TTC19: variants seen among roughly 807,000 people sequenced by gnomAD.
The protein encoded by TTC19 is tetratricopeptide repeat protein 19, mitochondrial.
In TTC19, 38 loss-of-function variants were observed where a neutral mutation model predicts 49.5. The observed-to-expected ratio is 0.77, with a 90% CI of 0.59 to 1.01. The LOEUF (loss-of-function observed/expected upper bound fraction) is 1.01. TTC19 is among the 50% of genes least tolerant of loss of function. The pLI is 0.00. For synonymous variants in TTC19, 204 were observed against 185.2 expected, an observed-to-expected ratio of 1.10 and a Z score of -0.83; for missense variants, 475 against 477.7, an observed-to-expected ratio of 0.99 and a Z score of 0.05.
rs144830749 is a variant in TTC19, at chr17:16,026,944, C to G, written c.994+242C>G. ...CCCCATCAAGCTGGAGAAAACCTTG[C>G]AATGATAGTACCTTACGTCAGTAGT... On this transcript the variant is annotated intron_variant, in intron 9 of 9. Transcript: ENST00000261647. The G allele has an allele frequency of 2.0e-4, 119 of 589,450 alleles. No individual in the cohort carries two copies. In the East Asian group the frequency reaches 3.5e-3, roughly 17 times the overall value. 36.5% of individuals were successfully genotyped at this position (589,450 alleles called of 1,614,324 possible).
intron 6 of TTC19, 34 bp from the exon 7 acceptor site, chr17:16,006,440 A>T: frequency 7.0e-7 from 1 of 1,437,010 alleles, no homozygotes; most frequent in Non-Finnish European, 9.8e-7. Flanking sequence ...AAAGAAGAAA[A>T]GGTAAATGGC....
At position 16,004,400 on chromosome 17, in the gene TTC19, T is replaced by C; in HGVS notation, c.581+138T>C. On this transcript the variant is annotated intron_variant, in intron 6 of 9. Coordinates refer to ENST00000261647, the MANE Select transcript of TTC19 (RefSeq NM_017775.4). Reference sequence around the variant, plus strand: ...ACTCAAAGTGTTCCATCCCTCATCTTTGAAATTGTCAGTCTTTTTCCAGTT... The same window carrying C: ...ACTCAAAGTGTTCCATCCCTCATCTCTGAAATTGTCAGTCTTTTTCCAGTT... The C allele has an allele frequency of 1.3e-5, 11 of 849,416 alleles. No homozygotes were observed. The South Asian group carries it at 1.5e-4, about 12-fold the overall frequency. The allele number at this position is 849,416 out of a possible 1,614,324, so 52.6% of individuals were successfully genotyped here. A position where few individuals can be genotyped will look rare whatever the true frequency, so the allele number is the denominator to read the frequency against.
chr17:16,021,229 T>A (rs1971373025), intron 7 of TTC19, among the ~76,000 whole-genome samples: 1 of 151,716 alleles, frequency 6.6e-6, no homozygotes, highest in Non-Finnish European at 1.5e-5. Context: ...CTAATAAAAA[T>A]ACAAAAAAAA....
chr17:16,026,235 A>G (rs1971553728), intron 8 of TTC19, among the ~76,000 whole-genome samples: 1 of 152,190 alleles, frequency 6.6e-6, no homozygotes, highest in Non-Finnish European at 1.5e-5. Context: ...TAATATGTGT[A>G]GCTTCTTGCT....
chr17:16,040,734 AAAG>A (rs2057407254), intron 2 of TTC19: 2 of 535,202 alleles, frequency 3.7e-6, no homozygotes, highest in Non-Finnish European at 6.9e-6. Flanking sequence ...AGGAACATCA[AAAG>A]AAGAGCAATA....
intron 7 of TTC19, among the ~76,000 whole-genome samples, chr17:16,019,027 T>G (rs547190675): frequency 1.6e-4 from 24 of 152,302 alleles, no homozygotes; most frequent in African/African-American, 5.8e-4. Context: ...TTATTGCACT[T>G]GTATATATCA....
intron 6 of TTC19, among the ~76,000 whole-genome samples, chr17:16,006,136 G>A (rs750262479): frequency 4.1e-4 from 62 of 152,204 alleles, no homozygotes; most frequent in African/African-American, 5.3e-4. Flanking sequence ...TGGGCCGGGC[G>A]CAGTGGCTCA....
At chr17:16,039,527 G>C in intron 2 of TTC19, 1 of 1,614,022 alleles carries the variant, frequency 6.2e-7, no homozygotes, top group Non-Finnish European at 8.5e-7. Flanking sequence ...CCATAGGCTG[G>C]GACATGACAA....
intron 2 of TTC19, 85 bp from the exon 3 acceptor site, chr17:16,001,830 G>A (rs1382998178): frequency 1.2e-6 from 1 of 864,354 alleles, no homozygotes; most frequent in Non-Finnish European, 1.9e-6. Context: ...TATCAGTTGG[G>A]ATGTACAGTT....
intron 7 of TTC19, among the ~76,000 whole-genome samples, chr17:16,019,257 T>C (rs1049464476): frequency 7.9e-5 from 12 of 152,058 alleles, no homozygotes; most frequent in African/African-American, 2.9e-4. Context: ...CGCTTCAACC[T>C]GAGAGGCAGA....
At chr17:16,038,012 C>G (rs1487664475) in intron 2 of TTC19, among the ~76,000 whole-genome samples, 1 of 151,878 alleles carries the variant, frequency 6.6e-6, no homozygotes, top group Non-Finnish European at 1.5e-5. Flanking sequence ...ACACTTAAAG[C>G]CAATAAAAAT....
chr17:16,029,301 A>C lies in TTC19; in HGVS notation c.*1779A>C, dbSNP rs1170787505. 2.2e-6 allele frequency: 1 copy of C among 449,770 alleles called. No homozygotes were observed. The highest frequency in any genetic ancestry group is 1.6e-5 in the South Asian group (1 of 62,656). The allele number at this position is 449,770 out of a possible 1,614,324, so 27.9% of individuals were successfully genotyped here. ...CATTACAGTTCATTTACACTGTTGT[A>C]AAATAAGGTACTGAAGCAAAAGGAG... On this transcript the variant is annotated 3_prime_UTR_variant, in exon 10 of 10. Transcript: ENST00000261647.
chr17:16,026,630 C>G lies in TTC19; in HGVS notation c.922C>G (p.Leu308Val). The G allele has an allele frequency of 6.2e-7, 1 of 1,614,122 alleles. No individual in the cohort carries two copies. The highest frequency in any genetic ancestry group is 8.5e-7 in the Non-Finnish European group (1 of 1,179,980). ...AYIYMQRASD[L>V]ARQINHPELH... ...TATTTATATGCAAAGGGCATCAGAT[C>G]TGGCAAGACAGATAAATCATCCTGA... The change falls in exon 9 of 10, where the codon CTG becomes GTG. Residue 308 changes from leucine (L) to valine (V), a missense_variant. By Grantham distance (32) the Leu-to-Val change is conservative (BLOSUM62 1). Transcript: ENST00000261647.
intron 7 of TTC19, among the ~76,000 whole-genome samples, chr17:16,009,270 A>AGT (rs139670563): frequency 0.014 from 2,091 of 152,336 alleles, 42 homozygotes; most frequent in African/African-American, 0.048. Flanking sequence ...GTTTCTTAGG[A>AGT]GTGTAAAGCT....
intron 6 of TTC19, among the ~76,000 whole-genome samples, chr17:16,005,645 G>T (rs1382134561): frequency 2.0e-5 from 3 of 152,222 alleles, no homozygotes; most frequent in Non-Finnish European, 2.9e-5. Context: ...CAGGGCTACA[G>T]AGTTGGGTTA....
intron 7 of TTC19, among the ~76,000 whole-genome samples, chr17:16,019,974 A>C (rs2151671724): frequency 6.6e-6 from 1 of 151,840 alleles, no homozygotes; most frequent in Non-Finnish European, 1.5e-5. Context: ...TTAAAAAAAA[A>C]AAAAAAAAAG....
chr17:16,024,987 T>C, intron 7 of TTC19, 30 bp from the exon 8 acceptor site: 2 of 1,612,442 alleles, frequency 1.2e-6, no homozygotes, highest in Non-Finnish European at 1.7e-6. Flanking sequence ...ACCATTTGGG[T>C]AGATTTGCTG....
chr17:16,037,590 C>T (rs1455700941), intron 2 of TTC19, among the ~76,000 whole-genome samples: 1 of 152,138 alleles, frequency 6.6e-6, no homozygotes, highest in Non-Finnish European at 1.5e-5. Context: ...ACAGAAACTA[C>T]TAAAGAAAGA....
chr17:16,005,666 A>G (rs1970882420), intron 6 of TTC19, among the ~76,000 whole-genome samples: 1 of 152,226 alleles, frequency 6.6e-6, no homozygotes. Context: ...AATGACTTCT[A>G]TTGCCATAGC....
Sources: allele counts gnomAD v4.1 joint callset (sites outside exome capture counted in the v4.1 genomes callset), GRCh38; gene constraint gnomAD v4.1.1; transcripts MANE v1.5; gene names NCBI Gene and HGNC (gene_info 2026-07-23, HGNC 2026-07-21).